Variants in CELF2 observed in about 807,000 individuals in gnomAD.
CELF2 encodes the protein CUGBP Elav-like family member 2, also known as CUG triplet repeat RNA-binding protein 2.
In CELF2, 8 loss-of-function variants were observed where a neutral mutation model predicts 62.6. The observed-to-expected ratio is 0.13, with a 90% CI of 0.07 to 0.23. The LOEUF is 0.23. CELF2 is among the 10% of genes least tolerant of loss of function. The pLI, the probability that CELF2 is intolerant of heterozygous loss-of-function variation, is 1.00. For missense variants in CELF2, 333 were observed against 671.0 expected (o/e 0.50, Z 5.56); for synonymous variants, 258 against 250.0 (o/e 1.03, Z -0.30).
At chr10:10,609,190 A>G in the CELF2 span, among the ~76,000 whole-genome samples, 5 of 152,186 alleles carry the variant, frequency 3.3e-5, no homozygotes, top group Admixed American at 3.3e-4. Flanking sequence ...GAGAAAAATT[A>G]TATGTTAGCC....
rs71378788 is a variant in CELF2 at position 11,285,826 on chromosome 10, GGTGTGTGTGTGTGTGTGTGT to G, written c.842-2559_842-2540del. On this transcript the variant is annotated intron_variant, in intron 8 of 12. Transcript: ENST00000633077. This position sits in a 1 kb window ranked among gnomAD's most constrained non-coding sequence, Gnocchi z 4.3. ...TTGCTCATCACCTACTATATATATTGGTGTGTGTGTGTGTGTGTGTGTGTGTGTGTGTGTGTGTGTGTGTG... is the reference window on the plus strand; with the variant it reads ...TTGCTCATCACCTACTATATATATTGGTGTGTGTGTGTGTGTGTGTGTGTG... Among the ~76,000 whole-genome samples the G allele has an allele frequency of 1.1e-3, 146 of 128,792 alleles. No homozygotes were observed. The highest frequency in any genetic ancestry group is 3.3e-3 in the African/African-American group (113 of 34,032). The allele number at this position is 128,792 out of a possible 152,430, so 84.5% of individuals were successfully genotyped here. A position where few individuals can be genotyped will look rare whatever the true frequency, so the allele number is the denominator to read the frequency against.
At chr10:10,480,733 G>T in the CELF2 span, among the ~76,000 whole-genome samples, 12 of 152,138 alleles carry the variant, frequency 7.9e-5, no homozygotes, top group Non-Finnish European at 1.8e-4. Context: ...ACTGAAAATT[G>T]ATAACTAAAA....
At chr10:11,209,728 C>T (rs1178504201) in intron 2 of CELF2, among the ~76,000 whole-genome samples, 1 of 151,282 alleles carries the variant, frequency 6.6e-6, no homozygotes, top group Non-Finnish European at 1.5e-5. Flanking sequence ...AACCGTAGTG[C>T]ATGGCAGATT....
Position 11,318,474 on chromosome 10 carries a change from T to C in CELF2, c.1097-2715T>C, listed in dbSNP as rs2095211920. On this transcript the variant is annotated intron_variant, in intron 10 of 12. Coordinates refer to ENST00000633077, the MANE Select transcript of CELF2 (RefSeq NM_001326342.2). The surrounding 1 kb of genome is among the most constrained non-coding windows in gnomAD (Gnocchi z 5.4). ...GGGCTGGCCACAGCTGTCTCCTACA[T>C]GCACAGCACCAGCAGAAGTAAACAC... is the stretch of plus-strand genomic sequence containing the variant. 6 of 339,312 alleles carry C rather than the reference T, an allele frequency of 1.8e-5. No homozygotes were observed. Among genetic ancestry groups the C allele is most frequent in the Non-Finnish European group, 2.9e-5 (5 of 173,532 alleles). 21.0% of individuals were successfully genotyped at this position (339,312 alleles called of 1,614,324 possible). A position where few individuals can be genotyped will look rare whatever the true frequency, so the allele number is the denominator to read the frequency against.
At chr10:11,154,888 T>C (rs960340985) in intron 1 of CELF2, among the ~76,000 whole-genome samples, 40 of 151,926 alleles carry the variant, frequency 2.6e-4, no homozygotes, top group African/African-American at 9.4e-4. Context: ...ACAAAAACAA[T>C]CACAGGTAGG....
intron 1 of CELF2, among the ~76,000 whole-genome samples, chr10:10,806,694 G>A (rs1247068720): frequency 6.6e-6 from 1 of 152,174 alleles, no homozygotes; most frequent in African/African-American, 2.4e-5. Context: ...AAGGATCTTG[G>A]CCATCAGGTT....
the CELF2 span, among the ~76,000 whole-genome samples, chr10:10,577,650 G>A: frequency 6.6e-6 from 1 of 151,780 alleles, no homozygotes; most frequent in Non-Finnish European, 1.5e-5. Context: ...GAGAATGATG[G>A]TTTCCAGCTT....
chr10:10,916,783 T>C (rs908016652), intron 1 of CELF2, among the ~76,000 whole-genome samples: 2 of 152,142 alleles, frequency 1.3e-5, no homozygotes, highest in African/African-American at 4.8e-5. Context: ...CGGCTAATTT[T>C]TGTATTTTTA....
At chr10:10,686,947 T>G in the CELF2 span, among the ~76,000 whole-genome samples, 9 of 152,004 alleles carry the variant, frequency 5.9e-5, no homozygotes, top group Non-Finnish European at 7.4e-5. Flanking sequence ...ACCTTCTTGA[T>G]GAAATCTTAC....
chr10:11,251,730 G>A (rs991743949), intron 4 of CELF2, among the ~76,000 whole-genome samples: 3 of 152,188 alleles, frequency 2.0e-5, no homozygotes, highest in Non-Finnish European at 4.4e-5. Context: ...TTGTTGTAAT[G>A]CCCGTCTTAC....
the CELF2 span, among the ~76,000 whole-genome samples, chr10:10,671,534 T>C: frequency 6.6e-6 from 1 of 152,168 alleles, no homozygotes; most frequent in Non-Finnish European, 1.5e-5. Flanking sequence ...AGAGCTGTAT[T>C]ATGCCACATT....
chr10:10,645,489 C>T, the CELF2 span, among the ~76,000 whole-genome samples: 2 of 151,886 alleles, frequency 1.3e-5, no homozygotes, highest in African/African-American at 4.8e-5. Flanking sequence ...CTAGTCTCTA[C>T]CAAAAAATAG....
At position 11,333,085 on chromosome 10, in the gene CELF2, T is replaced by A. The variant is rs1435599711; in HGVS notation, c.*4032T>A. 6.7e-6 allele frequency: 1 copy of A among 148,916 alleles called. No homozygotes were observed. The highest frequency in any genetic ancestry group is 1.5e-5 in the Non-Finnish European group (1 of 66,690). 9.2% of individuals were successfully genotyped at this position (148,916 alleles called of 1,614,324 possible). On this transcript the variant is annotated 3_prime_UTR_variant, in exon 13 of 13. Transcript: ENST00000633077. ...AAGCCGACTCCCCTCCCCATCTCCCTCTCAACCTCAACCCACCTGCATGCA... is the reference window on the plus strand; with the variant it reads ...AAGCCGACTCCCCTCCCCATCTCCCACTCAACCTCAACCCACCTGCATGCA...
the CELF2 span, among the ~76,000 whole-genome samples, chr10:10,547,818 A>G: frequency 6.6e-6 from 1 of 151,570 alleles, no homozygotes; most frequent in Non-Finnish European, 1.5e-5. Context: ...TTTATTCTCT[A>G]GCTTCCATTG....
chr10:10,649,200 G>T, the CELF2 span, among the ~76,000 whole-genome samples: 1 of 152,282 alleles, frequency 6.6e-6, no homozygotes, highest in Non-Finnish European at 1.5e-5. Context: ...GCCAAAAATG[G>T]TATGGCTTTT....
At position 11,305,188 on chromosome 10, in the gene CELF2, C is replaced by T. The variant is rs934987837; in HGVS notation, c.977-8951C>T. On this transcript the variant is annotated intron_variant, in intron 9 of 12. Transcript: ENST00000633077. The surrounding 1 kb of genome is among the most constrained non-coding windows in gnomAD (Gnocchi z 4.8). ...AGGGGGAGGTGGTCCAGGTTATCCA[C>T]ATAGCAGAGAAAAGAACTTTTTTCT... Among the ~76,000 whole-genome samples, 10 of 152,228 alleles carry T rather than the reference C, an allele frequency of 6.6e-5. No individual in the cohort carries two copies. The highest frequency in any genetic ancestry group is 1.3e-4 in the Non-Finnish European group (9 of 68,042).
upstream of CELF2, among the ~76,000 whole-genome samples, chr10:11,015,206 T>A (rs969147476): frequency 9.2e-5 from 14 of 152,036 alleles, no homozygotes; most frequent in African/African-American, 3.4e-4. This position sits in a 1 kb window ranked among gnomAD's most constrained non-coding sequence, Gnocchi z 4.8. Context: ...TGTTTTTAGA[T>A]TTTTTTTCTT....
the CELF2 span, among the ~76,000 whole-genome samples, chr10:10,546,302 G>A: frequency 6.6e-6 from 1 of 152,270 alleles, no homozygotes; most frequent in African/African-American, 2.4e-5. Context: ...TAAACCCACC[G>A]AATTCTGATA....
chr10:10,954,288 C>T (rs2048661113), intron 2 of CELF2, among the ~76,000 whole-genome samples: 1 of 150,826 alleles, frequency 6.6e-6, no homozygotes, highest in African/African-American at 2.4e-5. Flanking sequence ...TTCTGTCGCC[C>T]AGGCTGGAGT....
Sources: allele counts gnomAD v4.1 joint callset (sites outside exome capture counted in the v4.1 genomes callset), GRCh38; gene constraint gnomAD v4.1.1; non-coding constraint Gnocchi (gnomAD v3.1); transcripts MANE v1.5; gene names NCBI Gene and HGNC (gene_info 2026-07-23, HGNC 2026-07-21).